The following RAD23B variants were observed in gnomAD, a reference collection of about 807,000 sequenced individuals.
RAD23B encodes lysine-specific demethylase RAD23B.
A neutral mutation model predicts 49.1 loss-of-function variants in RAD23B; 5 were observed. The ratio of observed to expected loss-of-function variants is 0.10; its 90% CI spans 0.05 to 0.21. RAD23B has a LOEUF of 0.21. Ranked by LOEUF, RAD23B falls within the 10% of genes least tolerant of loss-of-function variation. The pLI, the probability that RAD23B is intolerant of heterozygous loss-of-function variation, is 1.00. For missense variants in RAD23B, 356 were observed against 486.7 expected (o/e 0.73, Z 2.53); for synonymous variants, 184 against 165.4 (o/e 1.11, Z -0.86).
At chr9:107,326,307 G>A (rs1004447606) in intron 9 of RAD23B, among the ~76,000 whole-genome samples, 1 of 150,718 alleles carries the variant, frequency 6.6e-6, no homozygotes, top group Non-Finnish European at 1.5e-5. Context: ...GTGAAACCCC[G>A]TCTCTACTAA....
intron 1 of RAD23B, among the ~76,000 whole-genome samples, chr9:107,288,519 C>T (rs1833320503): frequency 6.6e-6 from 1 of 152,144 alleles, no homozygotes; most frequent in Non-Finnish European, 1.5e-5. Context: ...CATCTTGGCT[C>T]ACTGCAGCCT....
Position 107,300,225 on chromosome 9 carries a change from A to G in RAD23B, c.148+3A>G. On this transcript the variant is annotated splice_donor_region_variant and intron_variant, in intron 2 of 9. Transcript: ENST00000358015. Reference sequence around the variant, plus strand: ...AGGTCAAAAATTAATTTATGCAGGTATGAATTAAATATTAAAATTAACATG... The same window carrying G: ...AGGTCAAAAATTAATTTATGCAGGTGTGAATTAAATATTAAAATTAACATG... The G allele has an allele frequency of 6.3e-7, 1 of 1,597,310 alleles. No individual in the cohort carries two copies. Among genetic ancestry groups the G allele is most frequent in the Non-Finnish European group, 8.5e-7 (1 of 1,173,202 alleles).
chr9:107,305,805 G>T (rs191322868), intron 3 of RAD23B, among the ~76,000 whole-genome samples: 1 of 151,658 alleles, frequency 6.6e-6, no homozygotes, highest in Non-Finnish European at 1.5e-5. Flanking sequence ...CATTTATACT[G>T]CCATTTCAAG....
At chr9:107,329,467 A>C (rs890472902) in intron 9 of RAD23B, 76 bp from the exon 10 acceptor site, 15 of 928,656 alleles carry the variant, frequency 1.6e-5, no homozygotes, top group Non-Finnish European at 2.1e-5. Context: ...CTATGCTGGA[A>C]TCTATAATAT....
chr9:107,303,735 G>C (rs916759990), intron 3 of RAD23B, among the ~76,000 whole-genome samples: 1 of 152,118 alleles, frequency 6.6e-6, no homozygotes, highest in African/African-American at 2.4e-5. Context: ...TTTTAAGACT[G>C]AATACTATCC....
At position 107,313,698 on chromosome 9, in the gene RAD23B, C is replaced by A. The variant is rs1320469470; in HGVS notation, c.553+1961C>A. 2.0e-5 allele frequency among the ~76,000 whole-genome samples: 3 copies of A among 152,190 alleles called. No individual in the cohort carries two copies. The East Asian group carries it at 5.8e-4, about 29-fold the overall frequency. On this transcript the variant is annotated intron_variant, in intron 5 of 9. Coordinates refer to ENST00000358015, the MANE Select transcript of RAD23B (RefSeq NM_002874.5). ...TCCCTCTGAACTCCCAAACTCGTAT[C>A]TTCACATTGTCAACTAGAAAACTTT...
At chr9:107,327,005 A>G (rs1827218611) in intron 9 of RAD23B, among the ~76,000 whole-genome samples, 1 of 151,996 alleles carries the variant, frequency 6.6e-6, no homozygotes, top group Non-Finnish European at 1.5e-5. Context: ...ATTTTATCTA[A>G]GCTGTCTAAT....
chr9:107,284,477 AG>A (rs1833233415), intron 1 of RAD23B, among the ~76,000 whole-genome samples: 1 of 151,940 alleles, frequency 6.6e-6, no homozygotes, highest in South Asian at 2.1e-4. Context: ...TAGCAGTTCA[AG>A]GGGGAAAAAA....
intron 5 of RAD23B, among the ~76,000 whole-genome samples, chr9:107,312,780 G>T (rs1171464303): frequency 1.3e-5 from 2 of 152,196 alleles, no homozygotes; most frequent in Non-Finnish European, 1.5e-5. Flanking sequence ...ACCCAGAGAG[G>T]CAGTAAACTG....
intron 2 of RAD23B, among the ~76,000 whole-genome samples, chr9:107,301,059 T>C (rs1309045955): frequency 6.6e-6 from 1 of 152,206 alleles, no homozygotes; most frequent in Non-Finnish European, 1.5e-5. Flanking sequence ...TAGCAGCTTT[T>C]GATTCAATAG....
rs1827314304 is a variant in RAD23B, at chr9:107,331,755, G to A, written c.*2099G>A. 2.6e-6 allele frequency: 2 copies of A among 776,178 alleles called. No homozygotes were observed. The highest frequency in any genetic ancestry group is 4.9e-5 in the East Asian group (2 of 41,220). 48.1% of individuals were successfully genotyped at this position (776,178 alleles called of 1,614,324 possible). A position where few individuals can be genotyped will look rare whatever the true frequency, so the allele number is the denominator to read the frequency against. On this transcript the variant is annotated 3_prime_UTR_variant, in exon 10 of 10. Transcript: ENST00000358015. ...AGGTGGCATGGAGCTTGTGTCCTTG[G>A]ACAACAAATCTGGATATACTAGGAT...
rs1264871577 is a variant in RAD23B, at chr9:107,283,676, A to C, written c.47A>C (p.Asp16Ala). 6.8e-7 allele frequency: 1 copy of C among 1,478,822 alleles called. No homozygotes were observed. The highest frequency in any genetic ancestry group is 1.3e-5 in the South Asian group (1 of 78,292). The allele number at this position is 1,478,822 out of a possible 1,614,324, so 91.6% of individuals were successfully genotyped here. Residue 16 changes from aspartate (D) to alanine (A), a missense_variant, in exon 1 of 10, where the codon GAC (aspartate) becomes GCC (alanine). Around this residue, in one of 5 missense-constraint regions of RAD23B, gnomAD observed 31 missense variants for 23.5 expected, o/e 1.32. Coordinates refer to ENST00000358015, the MANE Select transcript of RAD23B (RefSeq NM_002874.5). ...KTLQQQTFKIDIDPEETVKAL... is the reference protein window; with the variant it reads ...KTLQQQTFKIAIDPEETVKAL... ...CTCCAGCAGCAGACCTTCAAGATAG[A>C]CATTGACCCCGAGGAGACGGTATGC...
At chr9:107,306,037 G>T (rs1302170683) in intron 3 of RAD23B, among the ~76,000 whole-genome samples, 1 of 108,936 alleles carries the variant, frequency 9.2e-6, no homozygotes, top group Non-Finnish European at 1.9e-5. Flanking sequence ...TTGGGAAAAT[G>T]ATACGGTTTA....
chr9:107,292,628 C>G (rs1358333339), intron 1 of RAD23B, among the ~76,000 whole-genome samples: 1 of 138,266 alleles, frequency 7.2e-6, no homozygotes, highest in Non-Finnish European at 1.5e-5. Context: ...TGCAGTGAGC[C>G]AAGATCGTGC....
chr9:107,303,449 CATT>C (rs1328564914), intron 3 of RAD23B, among the ~76,000 whole-genome samples: 1 of 152,120 alleles, frequency 6.6e-6, no homozygotes, highest in African/African-American at 2.4e-5. Flanking sequence ...GAACTTAAGT[CATT>C]ATATGTTAAG....
At chr9:107,292,483 C>T (rs953725001) in intron 1 of RAD23B, among the ~76,000 whole-genome samples, 3 of 151,956 alleles carry the variant, frequency 2.0e-5, no homozygotes, top group Non-Finnish European at 4.4e-5. Context: ...GTTCGAGACC[C>T]TCCTGGCCAA....
At chr9:107,290,248 GCTAT>G (rs1326602544) in intron 1 of RAD23B, among the ~76,000 whole-genome samples, 1 of 152,170 alleles carries the variant, frequency 6.6e-6, no homozygotes, top group Non-Finnish European at 1.5e-5. Context: ...TGTGGGCGGT[GCTAT>G]CTAAGGCAGG....
chr9:107,301,779 T>G (rs572870584), intron 2 of RAD23B, among the ~76,000 whole-genome samples: 1 of 152,212 alleles, frequency 6.6e-6, no homozygotes, highest in Admixed American at 6.5e-5. Flanking sequence ...GGCCTCAAGC[T>G]ATATTTCCTC....
At chr9:107,311,622 T>A in intron 4 of RAD23B, 60 bp from the exon 5 acceptor site, 1 of 1,205,654 alleles carries the variant, frequency 8.3e-7, no homozygotes, top group South Asian at 1.4e-5. Flanking sequence ...GTTACTAAAC[T>A]AATGTAAATT....
Sources: allele counts gnomAD v4.1 joint callset (sites outside exome capture counted in the v4.1 genomes callset), GRCh38; gene constraint gnomAD v4.1.1; regional missense constraint gnomAD v4.1.1; transcripts MANE v1.5; gene names NCBI Gene and HGNC (gene_info 2026-07-23, HGNC 2026-07-21).